The following DLG2 variants were observed in gnomAD, a reference collection of about 807,000 sequenced individuals.
The protein encoded by DLG2 is disks large homolog 2.
A neutral mutation model predicts 132.5 loss-of-function variants in DLG2; 45 were observed. The observed-to-expected ratio is 0.34, with a 90% CI of 0.27 to 0.44. The LOEUF is 0.44. Ranked by LOEUF, DLG2 falls within the 20% of genes least tolerant of loss-of-function variation. The pLI is 1.00. For missense variants in DLG2, 1,045 were observed against 1,196.9 expected, an observed-to-expected ratio of 0.87 and a Z score of 1.87; for synonymous variants, 424 against 419.6, an observed-to-expected ratio of 1.01 and a Z score of -0.13.
intron 4 of DLG2, among the ~76,000 whole-genome samples, chr11:85,155,188 C>T (rs1459553712): frequency 6.6e-6 from 1 of 152,208 alleles, no homozygotes; most frequent in East Asian, 1.9e-4. Context: ...ACTGAGGGAA[C>T]ACAACCTACA....
chr11:84,229,538 A>T lies in DLG2; in HGVS notation c.573+21700T>A, dbSNP rs17147047. On this transcript the variant is annotated intron_variant, in intron 8 of 27. Transcript: ENST00000376104. ...AAGCAGACTCTCTGAGTGAGCACTT[A>T]TGTGGTATCTTGTTAAAATGCAGGG... Among the ~76,000 whole-genome samples, 1,017 of 152,322 alleles carry T rather than the reference A, an allele frequency of 6.7e-3. 18 individuals are homozygous for T. The highest frequency in any genetic ancestry group is 0.031 in the Admixed American group (471 of 15,288).
chr11:85,088,703 A>C (rs1039271494), intron 6 of DLG2, among the ~76,000 whole-genome samples: 1 of 152,200 alleles, frequency 6.6e-6, no homozygotes, highest in Non-Finnish European at 1.5e-5. Flanking sequence ...TGGAATGTCT[A>C]ATATTTGATA....
chr11:84,801,616 A>T (rs950157218), intron 6 of DLG2, among the ~76,000 whole-genome samples: 10 of 152,194 alleles, frequency 6.6e-5, no homozygotes, highest in Admixed American at 2.6e-4. Context: ...TTACTGTGAG[A>T]TAATTGACCG....
At chr11:84,774,283 A>T (rs779764575) in intron 6 of DLG2, among the ~76,000 whole-genome samples, 21 of 152,030 alleles carry the variant, frequency 1.4e-4, no homozygotes, top group Non-Finnish European at 2.6e-4. Context: ...AATAAATAAA[A>T]AAACAACAGA....
chr11:85,397,831 T>G (rs1288998798), intron 3 of DLG2, among the ~76,000 whole-genome samples: 2 of 151,912 alleles, frequency 1.3e-5, no homozygotes, highest in African/African-American at 4.8e-5. Flanking sequence ...TAATAATGGG[T>G]GACTTCAACA....
intron 6 of DLG2, among the ~76,000 whole-genome samples, chr11:84,616,983 CT>C (rs199665834): frequency 1.8e-3 from 257 of 142,052 alleles, no homozygotes; most frequent in East Asian, 3.7e-3. Context: ...TCTTCCCTTT[CT>C]TTTTTTTTTT....
chr11:85,182,443 T>A (rs1442090940), intron 4 of DLG2, among the ~76,000 whole-genome samples: 2 of 151,950 alleles, frequency 1.3e-5, no homozygotes, highest in African/African-American at 2.4e-5. Context: ...AAATACTAAA[T>A]CAGTTAGTTG....
chr11:85,451,548 A>G (rs2092243467), intron 3 of DLG2, among the ~76,000 whole-genome samples: 1 of 152,216 alleles, frequency 6.6e-6, no homozygotes, highest in South Asian at 2.1e-4. Context: ...CTTTGTTTAT[A>G]TATGTAACTT....
chr11:84,146,534 A>G (rs2095090051), intron 9 of DLG2, among the ~76,000 whole-genome samples: 1 of 152,168 alleles, frequency 6.6e-6, no homozygotes, highest in South Asian at 2.1e-4. Context: ...AATTTAGAAA[A>G]AGAAATTAGA....
Position 84,274,316 on chromosome 11 carries a change from C to T in DLG2, c.520-23025G>A, listed in dbSNP as rs1000342400. Among the ~76,000 whole-genome samples the T allele has an allele frequency of 7.9e-5, 12 of 152,162 alleles. No individual in the cohort carries two copies. In the East Asian group the frequency reaches 1.2e-3, roughly 15 times the overall value. ...AGCACTTGGAAGTTCCAAAGGAATC[C>T]GTACTCTAAGGGCTGGTTGCACAGT... is the stretch of plus-strand genomic sequence containing the variant. On this transcript the variant is annotated intron_variant, in intron 7 of 27. Transcript: ENST00000376104.
intron 11 of DLG2, among the ~76,000 whole-genome samples, chr11:84,031,369 G>A (rs1257809891): frequency 6.6e-6 from 1 of 152,050 alleles, no homozygotes; most frequent in Non-Finnish European, 1.5e-5. Flanking sequence ...AGTCAAATAA[G>A]GGTTCATAGT....
At chr11:84,358,855 C>A (rs2098633455) in intron 7 of DLG2, among the ~76,000 whole-genome samples, 1 of 151,934 alleles carries the variant, frequency 6.6e-6, no homozygotes, top group Admixed American at 6.6e-5. Context: ...TTTCTACATA[C>A]ATAAAGAAAT....
chr11:85,058,263 T>C (rs140527569), intron 6 of DLG2, among the ~76,000 whole-genome samples: 296 of 151,478 alleles, frequency 2.0e-3, no homozygotes, highest in African/African-American at 6.8e-3. Context: ...TCACCAACAA[T>C]TGAAAAATAA....
chr11:85,520,959 G>A (rs1225452707), intron 3 of DLG2, among the ~76,000 whole-genome samples: 1 of 152,036 alleles, frequency 6.6e-6, no homozygotes, highest in African/African-American at 2.4e-5. Flanking sequence ...TCTGGGCAAA[G>A]ATTTCTTGAG....
rs1216906960 is a variant in DLG2 at position 83,874,599 on chromosome 11, C to T, written c.1497-111G>A. 4.5e-6 allele frequency: 3 copies of T among 660,636 alleles called. No individual in the cohort carries two copies. In the East Asian group the frequency reaches 9.7e-5, roughly 21 times the overall value. The allele number at this position is 660,636 out of a possible 1,614,324, so 40.9% of individuals were successfully genotyped here. On this transcript the variant is annotated intron_variant, in intron 15 of 27. Coordinates refer to ENST00000376104, the MANE Select transcript of DLG2 (RefSeq NM_001142699.3). ...ATGTGCACAACGTGCAGGTTAGTTA[C>T]ATATGTATACATGTGCCATGTTGGT... is the stretch of plus-strand genomic sequence containing the variant.
intron 18 of DLG2, among the ~76,000 whole-genome samples, chr11:83,745,677 C>A (rs2092854089): frequency 6.6e-6 from 1 of 152,006 alleles, no homozygotes; most frequent in East Asian, 1.9e-4. Flanking sequence ...TGGCATGCAC[C>A]TGTAGTCCCA....
chr11:84,590,789 A>G (rs2099540910), intron 6 of DLG2, among the ~76,000 whole-genome samples: 1 of 152,204 alleles, frequency 6.6e-6, no homozygotes. Flanking sequence ...CCTCTCATAG[A>G]GCACGCAAAC....
intron 7 of DLG2, chr11:84,273,067 A>T: frequency 8.5e-7 from 1 of 1,180,534 alleles, no homozygotes; most frequent in South Asian, 2.0e-5. Context: ...CACAGAATTT[A>T]TACATTTCTC....
intron 17 of DLG2, among the ~76,000 whole-genome samples, chr11:83,787,840 A>T (rs1344134116): frequency 6.6e-6 from 1 of 152,208 alleles, no homozygotes; most frequent in African/African-American, 2.4e-5. Context: ...AGAAAATGCT[A>T]AAATTTTTCT....
Sources: gnomAD v4.1 joint callset for allele counts (sites outside exome capture counted in the v4.1 genomes callset) on GRCh38, gnomAD v4.1.1 for gene constraint, MANE v1.5 for transcripts, NCBI Gene and HGNC (gene_info 2026-07-23, HGNC 2026-07-21) for gene names.